The following AHCTF1 variants were observed in gnomAD, a reference collection of about 807,000 sequenced individuals.
AHCTF1 encodes the protein protein ELYS.
Under a neutral mutation model 248.4 loss-of-function variants are expected in AHCTF1, and 24 were observed. That is an observed-to-expected ratio of 0.10 (90% CI 0.07 to 0.14). AHCTF1 has a LOEUF of 0.14. AHCTF1 is among the 10% of genes least tolerant of loss of function. The pLI, the probability that AHCTF1 is intolerant of heterozygous loss-of-function variation, is 1.00. For missense variants in AHCTF1, 2,206 were observed against 2,636.2 expected, an observed-to-expected ratio of 0.84 and a Z score of 3.57; for synonymous variants, 786 against 929.8, an observed-to-expected ratio of 0.85 and a Z score of 2.81.
intron 21 of AHCTF1, among the ~76,000 whole-genome samples, chr1:246,878,166 G>T (rs1418703830): frequency 6.6e-6 from 1 of 151,776 alleles, no homozygotes; most frequent in Non-Finnish European, 1.5e-5. Flanking sequence ...GGGAGGCCAG[G>T]GTGGGCAGAT....
chr1:246,922,668 A>AC (rs939142590), intron 1 of AHCTF1, among the ~76,000 whole-genome samples: 6 of 150,198 alleles, frequency 4.0e-5, no homozygotes, highest in African/African-American at 1.2e-4. Flanking sequence ...TGCTGGGATT[A>AC]CAGGTGTGAG....
chr1:246,918,515 G>C, intron 1 of AHCTF1, 138 bp from the exon 2 acceptor site: 3 of 864,894 alleles, frequency 3.5e-6, no homozygotes, highest in Non-Finnish European at 4.9e-6. Flanking sequence ...ATACATATTG[G>C]CCAGATGCGG....
intron 1 of AHCTF1, chr1:246,931,375 CG>C: frequency 4.6e-6 from 7 of 1,513,168 alleles, no homozygotes; most frequent in Non-Finnish European, 6.2e-6. Context: ...GCCCGGCGCC[CG>C]CGAGCCTGCC....
rs138167920 is a variant in AHCTF1, at chr1:246,889,734, C to G, written c.2144+232G>C. Among the ~76,000 whole-genome samples the G allele has an allele frequency of 4.7e-3, 709 of 152,266 alleles. 8 individuals carry two copies. The highest frequency in any genetic ancestry group is 0.016 in the African/African-American group (676 of 41,554). On this transcript the variant is annotated intron_variant, in intron 17 of 35. Transcript: ENST00000648844. ...AGACGACTATTTCCAGAAGTGTGGT[C>G]AAGACTCTCAACACCACTTTCTTTG...
chr1:246,910,707 G>A (rs904920726), intron 4 of AHCTF1, among the ~76,000 whole-genome samples: 1 of 152,080 alleles, frequency 6.6e-6, no homozygotes, highest in Non-Finnish European at 1.5e-5. Flanking sequence ...TATAAAGGGG[G>A]AAAAATCATA....
At chr1:246,930,804 T>C (rs555883756) in intron 1 of AHCTF1, among the ~76,000 whole-genome samples, 1 of 152,312 alleles carries the variant, frequency 6.6e-6, no homozygotes, top group East Asian at 1.9e-4. Flanking sequence ...TTTTGTTCTA[T>C]GAAGAACCCA....
chr1:246,928,398 G>A (rs989583113), intron 1 of AHCTF1, among the ~76,000 whole-genome samples: 2 of 151,946 alleles, frequency 1.3e-5, no homozygotes, highest in Non-Finnish European at 2.9e-5. Context: ...CTTATTCCTG[G>A]GCATTCGACA....
chr1:246,896,871 C>G (rs1664611676), intron 12 of AHCTF1, among the ~76,000 whole-genome samples: 1 of 152,162 alleles, frequency 6.6e-6, no homozygotes, highest in Admixed American at 6.5e-5. Flanking sequence ...GAGGGAATTA[C>G]ATAATGGTCC....
In AHCTF1 at chr1:246,839,547, A is replaced by G; in HGVS notation, c.*1259T>C. 1.0e-6 allele frequency: 1 copy of G among 985,832 alleles called. No homozygotes were observed. The highest frequency in any genetic ancestry group is 1.2e-6 in the Non-Finnish European group (1 of 829,930). 61.1% of individuals were successfully genotyped at this position (985,832 alleles called of 1,614,324 possible). On this transcript the variant is annotated 3_prime_UTR_variant, in exon 36 of 36. Coordinates refer to ENST00000648844, the MANE Select transcript of AHCTF1 (RefSeq NM_001323342.2). Reference sequence around the variant, plus strand: ...ATCACTAACCTGACTAAAAGGCCGCACTCGCACTGCTTTCACACTGTCAAC... The same window carrying G: ...ATCACTAACCTGACTAAAAGGCCGCGCTCGCACTGCTTTCACACTGTCAAC...
chr1:246,925,948 C>T lies in AHCTF1; in HGVS notation c.-8+5630G>A, dbSNP rs888034049. On this transcript the variant is annotated intron_variant, in intron 1 of 35. Coordinates refer to ENST00000648844, the MANE Select transcript of AHCTF1 (RefSeq NM_001323342.2). ...GGTGTGGTGGCGCCTGCCTGTAGTC[C>T]CAGCTACTGGGATTGCTTGAGCCTG... is the stretch of plus-strand genomic sequence containing the variant. Among the ~76,000 whole-genome samples the T allele has an allele frequency of 1.8e-4, 27 of 151,850 alleles. 2 individuals are homozygous for T. The highest frequency in any genetic ancestry group is 1.2e-3 in the East Asian group (6 of 5,154).
intron 14 of AHCTF1, among the ~76,000 whole-genome samples, chr1:246,892,844 C>T (rs1664315055): frequency 6.6e-6 from 1 of 151,944 alleles, no homozygotes; most frequent in South Asian, 2.1e-4. Context: ...GGGGGTCTTG[C>T]TATATTGCTC....
intron 33 of AHCTF1, among the ~76,000 whole-genome samples, chr1:246,848,825 G>A (rs971101897): frequency 4.0e-5 from 6 of 149,202 alleles, no homozygotes; most frequent in Admixed American, 6.7e-5. Flanking sequence ...GCTCCAGCCT[G>A]GGCGACAGAG....
At chr1:246,869,072 C>T (rs1213252814) in intron 24 of AHCTF1, among the ~76,000 whole-genome samples, 2 of 151,446 alleles carry the variant, frequency 1.3e-5, no homozygotes, top group Non-Finnish European at 1.5e-5. Flanking sequence ...TCTCGATCTC[C>T]TGACCTCGTG....
intron 30 of AHCTF1, among the ~76,000 whole-genome samples, chr1:246,857,267 T>C (rs2103056787): frequency 6.6e-6 from 1 of 152,320 alleles, no homozygotes; most frequent in Non-Finnish European, 1.5e-5. Flanking sequence ...AAATGGTCGT[T>C]AAAAAACACA....
intron 25 of AHCTF1, 28 bp downstream of exon 25, chr1:246,867,633 T>G (rs779296051): frequency 6.2e-7 from 1 of 1,606,918 alleles, no homozygotes; most frequent in South Asian, 1.1e-5. Flanking sequence ...ACAAGCAGCA[T>G]GACTATGAAA....
At chr1:246,843,754 ATGTTT>A in intron 34 of AHCTF1, 36 bp downstream of exon 34, 1 of 1,255,342 alleles carries the variant, frequency 8.0e-7, no homozygotes, top group Non-Finnish European at 1.0e-6. Context: ...AAAAAAAAGT[ATGTTT>A]TAACAAACAT....
At chr1:246,893,328 A>G (rs531975558) in intron 14 of AHCTF1, among the ~76,000 whole-genome samples, 2 of 152,210 alleles carry the variant, frequency 1.3e-5, no homozygotes, top group Non-Finnish European at 2.9e-5. Context: ...ATGTCTTCCT[A>G]ACGAACTTGA....
intron 1 of AHCTF1, chr1:246,931,224 C>A (rs1667334054): frequency 6.5e-7 from 1 of 1,550,168 alleles, no homozygotes; most frequent in Non-Finnish European, 8.7e-7. Context: ...CCAACGAGTC[C>A]ATCGCGTGGG....
chr1:246,842,369 A>T (rs1007002818), intron 35 of AHCTF1, among the ~76,000 whole-genome samples: 1 of 151,942 alleles, frequency 6.6e-6, no homozygotes, highest in African/African-American at 2.4e-5. Context: ...ATCACTTGAG[A>T]CCAGGAGTTT....
Sources: gnomAD v4.1 joint callset for allele counts (sites outside exome capture counted in the v4.1 genomes callset) on GRCh38, gnomAD v4.1.1 for gene constraint, MANE v1.5 for transcripts, NCBI Gene and HGNC (gene_info 2026-07-23, HGNC 2026-07-21) for gene names.